The following CPNE3 variants were observed in gnomAD, a reference collection of about 807,000 sequenced individuals.
CPNE3 encodes the protein copine 3.
In CPNE3, 68 loss-of-function variants were observed where a neutral mutation model predicts 63.9. That is an observed-to-expected ratio of 1.06 (90% CI 0.87 to 1.30). CPNE3 has a LOEUF of 1.30. CPNE3 is among the 50% of genes most tolerant of loss of function. The pLI is 0.00. For missense variants in CPNE3, 665 were observed against 578.1 expected (o/e 1.15, Z -1.54); for synonymous variants, 219 against 197.5 (o/e 1.11, Z -0.91).
chr8:86,528,883 T>C, intron 3 of CPNE3, 62 bp from the exon 4 acceptor site: 5 of 1,439,376 alleles, frequency 3.5e-6, no homozygotes, highest in Non-Finnish European at 4.7e-6. Context: ...TATATAAAGA[T>C]GTGAAAATCC....
Position 86,544,835 on chromosome 8 carries a change from A to G in CPNE3, c.729A>G (p.Ser243=), listed in dbSNP as rs1053874651. Residue 243 remains serine, a synonymous_variant, in exon 9 of 17, where the codon TCA becomes TCG. Transcript: ENST00000517490. ...AACTGAAAGAAGCCTCCAGAAGCTC[A>G]CCTGTAAGTTACATCCTTGCATTTG... is the stretch of plus-strand genomic sequence containing the variant. ...MTKLKEASRS[S]PVEFECINEK... The G allele has an allele frequency of 1.3e-6, 2 of 1,572,076 alleles. No homozygotes were observed. Among genetic ancestry groups the G allele is most frequent in the African/African-American group, 2.7e-5 (2 of 72,858 alleles).
chr8:86,551,555 A>C, intron 14 of CPNE3: 1 of 198,170 alleles, frequency 5.0e-6, no homozygotes, highest in Non-Finnish European at 1.0e-5. Context: ...AATATCATAT[A>C]TTAAAAGTAT....
rs1185237632 is a variant in CPNE3, at chr8:86,558,297, G to T, written c.1501G>T (p.Glu501Ter). 1.1e-6 allele frequency: 1 copy of T among 872,896 alleles called. No homozygotes were observed. The highest frequency in any genetic ancestry group is 2.0e-6 in the Non-Finnish European group (1 of 501,642). The allele number at this position is 872,896 out of a possible 1,614,324, so 54.1% of individuals were successfully genotyped here. A position where few individuals can be genotyped will look rare whatever the true frequency, so the allele number is the denominator to read the frequency against. ...TTTTGTTTTTCACAAGGCTCCAAAA[G>T]AAGCACTTGCTCAGTGTGTCTTGGC... Reference protein sequence around the residue: ...PFRQFQNAPKEALAQCVLAEI... With the variant: ...PFRQFQNAPK Residue 501 changes from glutamate to a stop codon, truncating the protein, a stop_gained, in exon 17 of 17, where the codon GAA (glutamate) becomes TAA (stop). Coordinates refer to ENST00000517490, the MANE Select transcript of CPNE3 (RefSeq NM_003909.5). LOFTEE classifies it high-confidence loss of function.
intron 11 of CPNE3, 27 bp from the exon 12 acceptor site, chr8:86,548,274 C>G: frequency 6.2e-7 from 1 of 1,612,550 alleles, no homozygotes; most frequent in South Asian, 1.1e-5. Context: ...CTTCTCCTTA[C>G]TAAGGGCTGC....
At chr8:86,543,812 G>A (rs10086188) in intron 8 of CPNE3, among the ~76,000 whole-genome samples, 36,203 of 151,974 alleles carry the variant, frequency 0.24, 4,481 homozygotes, top group Non-Finnish European at 0.27. Context: ...TCTGTTTTGA[G>A]ATAAAATACT....
At chr8:86,516,160 A>C (rs1300950164) in intron 2 of CPNE3, among the ~76,000 whole-genome samples, 1 of 152,182 alleles carries the variant, frequency 6.6e-6, no homozygotes, top group Non-Finnish European at 1.5e-5. Flanking sequence ...GGTGGAGCTG[A>C]ATTTTAGGAC....
intron 2 of CPNE3, among the ~76,000 whole-genome samples, chr8:86,523,041 T>C (rs1261959454): frequency 6.6e-6 from 1 of 152,240 alleles, no homozygotes; most frequent in Non-Finnish European, 1.5e-5. Flanking sequence ...AGCTGCTTTA[T>C]GTCTTACTAC....
intron 8 of CPNE3, among the ~76,000 whole-genome samples, chr8:86,540,956 T>C (rs1820923462): frequency 6.6e-6 from 1 of 152,130 alleles, no homozygotes; most frequent in African/African-American, 2.4e-5. Flanking sequence ...AGAAAACTCA[T>C]GGAGTGGTGT....
intron 6 of CPNE3, among the ~76,000 whole-genome samples, chr8:86,534,914 C>G (rs913773732): frequency 3.3e-5 from 5 of 152,088 alleles, no homozygotes; most frequent in Non-Finnish European, 5.9e-5. Flanking sequence ...GTGTTTTGTT[C>G]TGTTTTAGAA....
At chr8:86,550,102 T>C (rs7823951) in intron 12 of CPNE3, among the ~76,000 whole-genome samples, 15,624 of 152,294 alleles carry the variant, frequency 0.1, 839 homozygotes, top group Non-Finnish European at 0.12. Context: ...GAATTGTTTA[T>C]AATCTTGTAG....
intron 14 of CPNE3, among the ~76,000 whole-genome samples, chr8:86,552,158 A>G (rs1821194840): frequency 6.6e-6 from 1 of 152,244 alleles, no homozygotes; most frequent in Non-Finnish European, 1.5e-5. Context: ...TTTTCTGCAA[A>G]GGGTCCTTTT....
At position 86,527,946 on chromosome 8, in the gene CPNE3, A is replaced by ATTTTTTTTTTTTTTTTTTTTTTT. The variant is rs869225401; in HGVS notation, c.-10-587_-10-565dup. The stretch of plus-strand genomic sequence containing the variant: ...AAATTTATAGTTAAGGTAAAAAGAA[A>ATTTTTTTTTTTTTTTTTTTTTTT]TTTTTTTTTTTTTTTTTTTTTTTTT... On this transcript the variant is annotated intron_variant, in intron 2 of 16. Coordinates refer to ENST00000517490, the MANE Select transcript of CPNE3 (RefSeq NM_003909.5). Among the ~76,000 whole-genome samples, 20 of 85,968 alleles carry ATTTTTTTTTTTTTTTTTTTTTTT rather than the reference A, an allele frequency of 2.3e-4. 5 individuals carry two copies. The highest frequency in any genetic ancestry group is 1.1e-3 in the African/African-American group (20 of 17,652). The allele number at this position is 85,968 out of a possible 152,430, so 56.4% of individuals were successfully genotyped here.
chr8:86,544,729 T>A lies in CPNE3; in HGVS notation c.634-11T>A. On this transcript the variant is annotated splice_polypyrimidine_tract_variant and intron_variant, in intron 8 of 16. Coordinates refer to ENST00000517490, the MANE Select transcript of CPNE3 (RefSeq NM_003909.5). Reference sequence around the variant, plus strand: ...TTGATTTTTATATATTTTTATTATATTTAATTTCAGGTGGAGTGTTATGAT... The same window carrying A: ...TTGATTTTTATATATTTTTATTATAATTAATTTCAGGTGGAGTGTTATGAT... The A allele has an allele frequency of 7.6e-7, 1 of 1,323,528 alleles. No homozygotes were observed. Among genetic ancestry groups the A allele is most frequent in the Non-Finnish European group, 1.0e-6 (1 of 993,268 alleles). 82.0% of individuals were successfully genotyped at this position (1,323,528 alleles called of 1,614,324 possible). A position where few individuals can be genotyped will look rare whatever the true frequency, so the allele number is the denominator to read the frequency against.
chr8:86,515,697 T>C (rs1205703980), intron 2 of CPNE3, among the ~76,000 whole-genome samples, 198 bp downstream of exon 2: 1 of 152,206 alleles, frequency 6.6e-6, no homozygotes, highest in African/African-American at 2.4e-5. Flanking sequence ...ATTTGTGAAA[T>C]AGAGATAAAA....
chr8:86,532,626 C>G, intron 6 of CPNE3, 46 bp downstream of exon 6: 1 of 1,511,114 alleles, frequency 6.6e-7, no homozygotes, highest in Non-Finnish European at 9.1e-7. Flanking sequence ...TGTTTTGCCT[C>G]TTTTTTAAGA....
chr8:86,542,010 A>G (rs1820952309), intron 8 of CPNE3, among the ~76,000 whole-genome samples: 1 of 152,228 alleles, frequency 6.6e-6, no homozygotes, highest in African/African-American at 2.4e-5. Context: ...ATATGTTAAC[A>G]ACAAAACAAT....
Position 86,537,547 on chromosome 8 carries a change from T to C in CPNE3, c.460-16T>C. On this transcript the variant is annotated splice_polypyrimidine_tract_variant and intron_variant, in intron 6 of 16. Transcript: ENST00000517490. ...AGAGGAGAACAAATGCTTTTTGTTG[T>C]TTGTTTTAAATGTAGGATCTATTTG... The C allele has an allele frequency of 1.3e-6, 2 of 1,526,756 alleles. No individual in the cohort carries two copies. The highest frequency in any genetic ancestry group is 2.7e-5 in the African/African-American group (2 of 73,300). The allele number at this position is 1,526,756 out of a possible 1,614,324, so 94.6% of individuals were successfully genotyped here. A position where few individuals can be genotyped will look rare whatever the true frequency, so the allele number is the denominator to read the frequency against.
Position 86,531,167 on chromosome 8 carries a change from A to C in CPNE3, c.325A>C (p.Lys109Gln). 1 of 1,239,642 alleles carries C rather than the reference A, an allele frequency of 8.1e-7. No individual in the cohort carries two copies. The allele number at this position is 1,239,642 out of a possible 1,614,324, so 76.8% of individuals were successfully genotyped here. A position where few individuals can be genotyped will look rare whatever the true frequency, so the allele number is the denominator to read the frequency against. The change falls in exon 5 of 17, where the codon AAG becomes CAG. Residue 109 changes from lysine to glutamine, a missense_variant. Coordinates refer to ENST00000517490, the MANE Select transcript of CPNE3 (RefSeq NM_003909.5). ...CTAATTCTAACAGATTGTTTCCAGCAAGAAGCTAACTCGACCACTGGTGAT... is the reference window on the plus strand; with the variant it reads ...CTAATTCTAACAGATTGTTTCCAGCCAGAAGCTAACTCGACCACTGGTGAT... ...ECTLGQIVSS[K>Q]KLTRPLVMKT...
At chr8:86,519,958 C>G (rs1023136035) in intron 2 of CPNE3, among the ~76,000 whole-genome samples, 1 of 152,000 alleles carries the variant, frequency 6.6e-6, no homozygotes, top group Non-Finnish European at 1.5e-5. Flanking sequence ...ACCATCCGCC[C>G]GCCTCAGCCT....
Sources: gnomAD v4.1 joint callset for allele counts (sites outside exome capture counted in the v4.1 genomes callset) on GRCh38, gnomAD v4.1.1 for gene constraint, MANE v1.5 for transcripts, NCBI Gene and HGNC (gene_info 2026-07-23, HGNC 2026-07-21) for gene names.